The following YBEY variants were observed in gnomAD, a reference collection of about 807,000 sequenced individuals.
The protein encoded by YBEY is endoribonuclease YbeY.
In YBEY, 15 loss-of-function variants were observed where a neutral mutation model predicts 13.5. The ratio of observed to expected loss-of-function variants is 1.11; its 90% CI spans 0.75 to 1.72. The LOEUF (loss-of-function observed/expected upper bound fraction) is 1.72, where lower values mean the gene tolerates loss of function less well. YBEY is among the 40% of genes most tolerant of loss of function. The pLI is 0.00. For synonymous variants in YBEY, 101 were observed against 83.1 expected (o/e 1.21, Z -1.17); for missense variants, 244 against 208.4 (o/e 1.17, Z -1.05).
chr21:46,287,520 A>G (rs960930459), intron 2 of YBEY, among the ~76,000 whole-genome samples: 1 of 152,164 alleles, frequency 6.6e-6, no homozygotes, highest in African/African-American at 2.4e-5. Flanking sequence ...TGTATTAATT[A>G]TATTATAGGC....
At chr21:46,300,867 C>A (rs112739396), downstream of YBEY, 2 of 1,080,628 alleles carry the variant, frequency 1.9e-6, no homozygotes, top group Non-Finnish European at 1.2e-6. Flanking sequence ...AGCAAAGAAA[C>A]ATAATTGCAC....
At chr21:46,303,722 TATATATATATATATATATATA>T in the YBEY span, among the ~76,000 whole-genome samples, 1 of 22,720 alleles carries the variant, frequency 4.4e-5, no homozygotes, top group Non-Finnish European at 8.4e-5. Context: ...TATATATATA[TATATATATATATATATATATA>T]TATTTTTTTT....
rs541603184 is a variant in YBEY at position 46,297,713 on chromosome 21, G to T, written c.*79G>T. 3 of 1,255,716 alleles carry T rather than the reference G, an allele frequency of 2.4e-6. No homozygotes were observed. Among genetic ancestry groups the T allele is most frequent in the Non-Finnish European group, 3.0e-6 (3 of 991,672 alleles). 77.8% of individuals were successfully genotyped at this position (1,255,716 alleles called of 1,614,324 possible). ...CCGGGGTCGCACACGAATAAATAAC[G>T]AATGAACGTACGAGGGGAACCTCCT... is the stretch of plus-strand genomic sequence containing the variant. On this transcript the variant is annotated 3_prime_UTR_variant, in exon 5 of 5. Transcript: ENST00000397701.
At position 46,291,380 on chromosome 21, in the gene YBEY, A is replaced by G; in HGVS notation, c.257A>G (p.Tyr86Cys). 1.2e-6 allele frequency: 2 copies of G among 1,614,048 alleles called. No individual in the cohort carries two copies. The highest frequency in any genetic ancestry group is 1.7e-6 in the Non-Finnish European group (2 of 1,180,018). Residue 86 changes from tyrosine to cysteine, a missense_variant, in exon 3 of 5, where the codon TAC (tyrosine) becomes TGC (cysteine). Coordinates refer to ENST00000397701, the MANE Select transcript of YBEY (RefSeq NM_001314025.2). ...EFPQPDFPDD[Y>C]NLGDIFLGVE... ...CCCCAGCCTGATTTTCCAGATGACT[A>G]CAATTTGGGAGACATTTTCCTAGGA...
chr21:46,288,990 C>A (rs1025083655), intron 2 of YBEY, among the ~76,000 whole-genome samples: 1 of 152,198 alleles, frequency 6.6e-6, no homozygotes, highest in South Asian at 2.1e-4. Flanking sequence ...CACCTCTGCA[C>A]TCCACCCTGG....
intron 2 of YBEY, among the ~76,000 whole-genome samples, chr21:46,290,064 A>G (rs1489026467): frequency 1.3e-5 from 2 of 149,696 alleles, no homozygotes; most frequent in Admixed American, 6.7e-5. Flanking sequence ...CCTTTGTTGC[A>G]GTTTTTGCCA....
intron 4 of YBEY, 117 bp downstream of exon 4, chr21:46,296,347 C>T: frequency 2.7e-6 from 3 of 1,109,070 alleles, no homozygotes; most frequent in Non-Finnish European, 4.0e-6. Context: ...GGACCTCAGA[C>T]CTGCCCTTGT....
At chr21:46,303,290 G>C in the YBEY span, among the ~76,000 whole-genome samples, 3 of 152,084 alleles carry the variant, frequency 2.0e-5, no homozygotes, top group South Asian at 6.2e-4. Flanking sequence ...AGTGAGCCAT[G>C]ATCATGCCCC....
the YBEY span, among the ~76,000 whole-genome samples, chr21:46,310,724 C>T: frequency 2.0e-5 from 3 of 149,716 alleles, no homozygotes; most frequent in East Asian, 2.0e-4. Context: ...CAGGAGAAGT[C>T]GCTTGAACCC....
At chr21:46,298,433 G>GTTTTTTTTTTTTTTTT (rs1569107101), downstream of YBEY, among the ~76,000 whole-genome samples, 154 of 67,238 alleles carry the variant, frequency 2.3e-3, 3 homozygotes, top group African/African-American at 6.6e-3. Context: ...TTTAATCCAA[G>GTTTTTTTTTTTTTTTT]CTTTTTTTTT....
chr21:46,292,520 C>A (rs28555547), intron 3 of YBEY, among the ~76,000 whole-genome samples: 1 of 151,728 alleles, frequency 6.6e-6, no homozygotes, highest in African/African-American at 2.4e-5. Context: ...CCGTGGTTAG[C>A]TTGGCCTGTG....
intron 3 of YBEY, among the ~76,000 whole-genome samples, chr21:46,295,680 C>T (rs2839201): frequency 0.37 from 56,884 of 151,838 alleles, 11,068 homozygotes; most frequent in Middle Eastern, 0.45. Context: ...CCCCAAAGCT[C>T]TACCCAGAGT....
the YBEY span, among the ~76,000 whole-genome samples, chr21:46,310,858 TA>T: frequency 6.6e-6 from 1 of 151,362 alleles, no homozygotes; most frequent in Non-Finnish European, 1.5e-5. Context: ...ATCAAGTATT[TA>T]AAAGCTATTA....
downstream of YBEY, chr21:46,302,015 G>T: frequency 6.5e-7 from 1 of 1,533,030 alleles, no homozygotes; most frequent in Non-Finnish European, 8.8e-7. Flanking sequence ...TGGGCCAGGC[G>T]TCCACAGGCT....
chr21:46,302,279 C>T, downstream of YBEY: 1 of 1,403,858 alleles, frequency 7.1e-7, no homozygotes, highest in Non-Finnish European at 9.4e-7. Flanking sequence ...AAGCATCCTC[C>T]CAGAGGAGGC....
At chr21:46,291,196 TCAA>T (rs2081690001) in intron 2 of YBEY, 135 bp from the exon 3 acceptor site, 1 of 756,342 alleles carries the variant, frequency 1.3e-6, no homozygotes, top group Non-Finnish European at 1.8e-6. Flanking sequence ...AAACTCCGTC[TCAA>T]AAAAAAAAAA....
In YBEY at chr21:46,295,173, C is replaced by T. The variant is rs895084845; in HGVS notation, c.340-989C>T. 8.5e-5 allele frequency among the ~76,000 whole-genome samples: 13 copies of T among 152,136 alleles called. No individual in the cohort carries two copies. In the East Asian group the frequency reaches 1.2e-3, roughly 14 times the overall value. ...TGGTCTTCCCCTGGCATTTCTTCCT[C>T]GGGCCCAGAGCCCTCTCCTTGGGGC... is the stretch of plus-strand genomic sequence containing the variant. On this transcript the variant is annotated intron_variant, in intron 3 of 4. Coordinates refer to ENST00000397701, the MANE Select transcript of YBEY (RefSeq NM_001314025.2).
At chr21:46,305,466 A>G in the YBEY span, among the ~76,000 whole-genome samples, 2 of 151,520 alleles carry the variant, frequency 1.3e-5, no homozygotes, top group African/African-American at 4.9e-5. Flanking sequence ...AGTAGCTGGG[A>G]CCACAGGCAC....
chr21:46,310,066 A>G, the YBEY span, among the ~76,000 whole-genome samples: 2 of 152,292 alleles, frequency 1.3e-5, no homozygotes, highest in South Asian at 4.1e-4. Flanking sequence ...AAAGCTGCTC[A>G]GCAGTTGCAT....
Sources: gnomAD v4.1 joint callset for allele counts (sites outside exome capture counted in the v4.1 genomes callset) on GRCh38, gnomAD v4.1.1 for gene constraint, MANE v1.5 for transcripts, NCBI Gene and HGNC (gene_info 2026-07-23, HGNC 2026-07-21) for gene names.